The following SEPTIN9 variants were observed in gnomAD, a reference collection of about 807,000 sequenced individuals.
The protein encoded by SEPTIN9 is septin 9, also known as septin-9.
In SEPTIN9, 13 loss-of-function variants were observed where a neutral mutation model predicts 56.6. That is an observed-to-expected ratio of 0.23 (90% CI 0.15 to 0.37). The LOEUF (loss-of-function observed/expected upper bound fraction) is 0.37. SEPTIN9 is among the 10% of genes least tolerant of loss of function. SEPTIN9 has a pLI of 1.00. For missense variants in SEPTIN9, 650 were observed against 823.1 expected (o/e 0.79, Z 2.57); for synonymous variants, 332 against 334.1 (o/e 0.99, Z 0.07).
intron 1 of SEPTIN9, among the ~76,000 whole-genome samples, chr17:77,291,966 C>T (rs993438652): frequency 3.3e-5 from 5 of 152,216 alleles, no homozygotes; most frequent in African/African-American, 4.8e-5. Flanking sequence ...CCTCAGTCTG[C>T]TGGTCCCCCT....
rs538351683 is a variant in SEPTIN9 at position 77,436,674 on chromosome 17, T to C, written c.721+33971T>C. Among the ~76,000 whole-genome samples, 4 of 152,366 alleles carry C rather than the reference T, an allele frequency of 2.6e-5. No individual in the cohort carries two copies. The South Asian group carries it at 8.3e-4, about 32-fold the overall frequency. On this transcript the variant is annotated intron_variant, in intron 3 of 11. Coordinates refer to ENST00000427177, the MANE Select transcript of SEPTIN9 (RefSeq NM_001113491.2). The surrounding 1 kb of genome is among the most constrained non-coding windows in gnomAD (Gnocchi z 4.4). Reference sequence around the variant, plus strand: ...CGGCCACCTACACCTCCTGTTTTGCTGCACTAGCCTCGTGGTAGGGGCTGC... The same window carrying C: ...CGGCCACCTACACCTCCTGTTTTGCCGCACTAGCCTCGTGGTAGGGGCTGC...
intron 2 of SEPTIN9, among the ~76,000 whole-genome samples, chr17:77,379,425 A>G (rs568128420): frequency 8.5e-5 from 13 of 152,262 alleles, no homozygotes; most frequent in South Asian, 6.2e-4. Flanking sequence ...ACCCAGGGTA[A>G]TACAGATATG....
At chr17:77,419,146 AC>A (rs1169570405) in intron 3 of SEPTIN9, among the ~76,000 whole-genome samples, 1 of 152,150 alleles carries the variant, frequency 6.6e-6, no homozygotes, top group Non-Finnish European at 1.5e-5. Context: ...CCCTGTGGGA[AC>A]CCCCGAGGGG....
At chr17:77,469,725 ACTCCTTGAATAGG>A (rs953828324) in intron 3 of SEPTIN9, 4 of 151,080 alleles carry the variant, frequency 2.6e-5, no homozygotes, top group African/African-American at 9.8e-5. Context: ...TGTTTCTGAG[ACTCCTTGAATAGG>A]CTCCATGTAC....
intron 2 of SEPTIN9, among the ~76,000 whole-genome samples, chr17:77,340,270 A>G (rs1283168294): frequency 6.6e-6 from 1 of 151,450 alleles, no homozygotes; most frequent in Admixed American, 6.6e-5. Flanking sequence ...CCTCCCAAGT[A>G]GCTGGAATTA....
At chr17:77,398,513 G>A (rs537846823) in intron 2 of SEPTIN9, among the ~76,000 whole-genome samples, 3 of 152,272 alleles carry the variant, frequency 2.0e-5, no homozygotes, top group East Asian at 3.9e-4. Flanking sequence ...AGGAGGAGGC[G>A]GTGGCATGCT....
chr17:77,491,430 T>C lies in SEPTIN9; in HGVS notation c.1380+571T>C, dbSNP rs866035135. Among the ~76,000 whole-genome samples the C allele has an allele frequency of 4.6e-5, 7 of 151,772 alleles. 1 individual carries two copies. The South Asian group carries it at 1.5e-3, about 32-fold the overall frequency. On this transcript the variant is annotated intron_variant, in intron 8 of 11. Transcript: ENST00000427177. ...CCAGGCTGGTCTCTAACCCTTGGGC[T>C]CAAGGGATCCTCCTGCCTCAGCCTC...
At chr17:77,484,956 T>TG (rs2039664513) in intron 4 of SEPTIN9, among the ~76,000 whole-genome samples, 1 of 94,234 alleles carries the variant, frequency 1.1e-5, no homozygotes, top group Non-Finnish European at 2.2e-5. Context: ...ATGCTGGTGA[T>TG]TGTGGTGGTG....
At chr17:77,347,674 T>G (rs1338021996) in intron 2 of SEPTIN9, among the ~76,000 whole-genome samples, 11 of 151,958 alleles carry the variant, frequency 7.2e-5, no homozygotes, top group Admixed American at 7.2e-4. Flanking sequence ...GAGAAACTTA[T>G]GATGGTTTGA....
intron 3 of SEPTIN9, among the ~76,000 whole-genome samples, chr17:77,424,936 C>G (rs1373261465): frequency 1.3e-5 from 2 of 152,184 alleles, no homozygotes; most frequent in African/African-American, 4.8e-5. Context: ...TGGACCCCTG[C>G]TCTGCTCAGA....
rs1462169070 is a variant in SEPTIN9, at chr17:77,436,072, C to T, written c.721+33369C>T. The stretch of plus-strand genomic sequence containing the variant: ...GTACTTTGCCATCCACACTGGCTTC[C>T]ACGGCTGGGTGGGAGTTGAGTTGAG... On this transcript the variant is annotated intron_variant, in intron 3 of 11. Coordinates refer to ENST00000427177, the MANE Select transcript of SEPTIN9 (RefSeq NM_001113491.2). The surrounding 1 kb of genome is among the most constrained non-coding windows in gnomAD (Gnocchi z 4.4). 6.6e-6 allele frequency among the ~76,000 whole-genome samples: 1 copy of T among 152,202 alleles called. No homozygotes were observed. The highest frequency in any genetic ancestry group is 2.4e-5 in the African/African-American group (1 of 41,448).
intron 3 of SEPTIN9, among the ~76,000 whole-genome samples, chr17:77,481,003 T>C (rs1398915131): frequency 6.6e-6 from 1 of 152,170 alleles, no homozygotes; most frequent in African/African-American, 2.4e-5. Context: ...TGTCTGCACC[T>C]GCATGCGCAT....
intron 2 of SEPTIN9, among the ~76,000 whole-genome samples, chr17:77,314,796 C>T (rs2032636820): frequency 6.6e-6 from 1 of 152,174 alleles, no homozygotes; most frequent in African/African-American, 2.4e-5. Context: ...CTGGACCAGC[C>T]CCAGGGCCTC....
chr17:77,358,160 G>T (rs954820890), intron 2 of SEPTIN9, among the ~76,000 whole-genome samples: 1 of 152,158 alleles, frequency 6.6e-6, no homozygotes, highest in Non-Finnish European at 1.5e-5. Flanking sequence ...TGTCCCCACG[G>T]GGTCTGCACC....
rs1340469993 is a variant in SEPTIN9 at position 77,499,522 on chromosome 17, G to A, written c.*864G>A. 1 of 466,718 alleles carries A rather than the reference G, an allele frequency of 2.1e-6. No homozygotes were observed. Among genetic ancestry groups the A allele is most frequent in the Non-Finnish European group, 4.2e-6 (1 of 240,916 alleles). 28.9% of individuals were successfully genotyped at this position (466,718 alleles called of 1,614,324 possible). On this transcript the variant is annotated 3_prime_UTR_variant, in exon 12 of 12. Transcript: ENST00000427177. ...AGCAAGTGAGTCTGGTGGAGGAGCTGAGGGAGGGAGCCATGGAAGGTGCCA... is the reference window on the plus strand; with the variant it reads ...AGCAAGTGAGTCTGGTGGAGGAGCTAAGGGAGGGAGCCATGGAAGGTGCCA...
In SEPTIN9 at chr17:77,499,048, C is replaced by T. The variant is rs184452200; in HGVS notation, c.*390C>T. On this transcript the variant is annotated 3_prime_UTR_variant, in exon 12 of 12. Coordinates refer to ENST00000427177, the MANE Select transcript of SEPTIN9 (RefSeq NM_001113491.2). The stretch of plus-strand genomic sequence containing the variant: ...CAGGCCTCGCACTTGCAGAGGAGCC[C>T]AGTGGGCTGCACGCTCCCCTCCATC... 10 of 537,852 alleles carry T rather than the reference C, an allele frequency of 1.9e-5. No individual in the cohort carries two copies. The highest frequency in any genetic ancestry group is 1.5e-4 in the African/African-American group (8 of 54,096). 33.3% of individuals were successfully genotyped at this position (537,852 alleles called of 1,614,324 possible).
chr17:77,334,278 C>T (rs150786759), intron 2 of SEPTIN9, among the ~76,000 whole-genome samples: 1,578 of 152,114 alleles, frequency 0.01, 20 homozygotes, highest in African/African-American at 0.019. Context: ...AAAAATTAGC[C>T]GGGCGTGGTG....
chr17:77,412,348 G>A (rs1009772065), intron 3 of SEPTIN9, among the ~76,000 whole-genome samples: 6 of 152,124 alleles, frequency 3.9e-5, no homozygotes, highest in East Asian at 1.9e-4. Flanking sequence ...TCGGTCAAGC[G>A]AGAGGGATTA....
intron 2 of SEPTIN9, among the ~76,000 whole-genome samples, chr17:77,391,428 C>A (rs1405263420): frequency 6.6e-6 from 1 of 152,174 alleles, no homozygotes; most frequent in African/African-American, 2.4e-5. Context: ...TCTCTGGCCC[C>A]TGTCTCCACG....
Sources: allele counts gnomAD v4.1 joint callset (sites outside exome capture counted in the v4.1 genomes callset), GRCh38; gene constraint gnomAD v4.1.1; non-coding constraint Gnocchi (gnomAD v3.1); transcripts MANE v1.5; gene names NCBI Gene and HGNC (gene_info 2026-07-23, HGNC 2026-07-21).